The following NPAS3 variants were observed in gnomAD, a reference collection of about 807,000 sequenced individuals.
NPAS3 encodes the protein neuronal PAS domain protein 3, also known as neuronal PAS domain-containing protein 3.
Under a neutral mutation model 73.1 loss-of-function variants are expected in NPAS3, and 14 were observed. The ratio of observed to expected loss-of-function variants is 0.19; its 90% CI spans 0.13 to 0.30. NPAS3 has a LOEUF of 0.30. NPAS3 is among the 10% of genes least tolerant of loss of function. The pLI, the probability that NPAS3 is intolerant of heterozygous loss-of-function variation, is 1.00. For synonymous variants in NPAS3, 620 were observed against 541.5 expected, an observed-to-expected ratio of 1.14 and a Z score of -2.01; for missense variants, 1,096 against 1,250.0, an observed-to-expected ratio of 0.88 and a Z score of 1.86.
chr14:33,147,163 AT>A (rs201866806), intron 2 of NPAS3, among the ~76,000 whole-genome samples: 1 of 152,022 alleles, frequency 6.6e-6, no homozygotes, highest in Non-Finnish European at 1.5e-5. Context: ...TTTAATCTGC[AT>A]TTTTTTCTTC....
At chr14:33,570,677 C>T (rs774036027) in intron 5 of NPAS3, among the ~76,000 whole-genome samples, 4 of 152,106 alleles carry the variant, frequency 2.6e-5, no homozygotes, top group African/African-American at 4.8e-5. Context: ...AGTAAAAACA[C>T]GGGCCTGCAA....
intron 3 of NPAS3, among the ~76,000 whole-genome samples, chr14:33,273,418 C>T (rs1425171492): frequency 1.3e-5 from 2 of 152,138 alleles, no homozygotes; most frequent in Non-Finnish European, 2.9e-5. Context: ...TGACTCTGCT[C>T]TTTATAGGCT....
chr14:33,087,609 G>A (rs1240076474), intron 2 of NPAS3, among the ~76,000 whole-genome samples: 5 of 152,106 alleles, frequency 3.3e-5, no homozygotes. Flanking sequence ...ACATAAGGCA[G>A]ACTTACAAAA....
rs544621762 is a variant in NPAS3 at position 33,410,644 on chromosome 14, T to C, written c.468+43376T>C. 2.6e-5 allele frequency among the ~76,000 whole-genome samples: 4 copies of C among 152,290 alleles called. No individual in the cohort carries two copies. In the East Asian group the frequency reaches 7.7e-4, roughly 29 times the overall value. ...AGCTACATTTTGGCTCAAGAATAGT[T>C]GGTACTTTTTGTTTTCCTTGAGATG... On this transcript the variant is annotated intron_variant, in intron 4 of 11. Transcript: ENST00000356141.
At chr14:33,484,234 C>G (rs11845647) in intron 4 of NPAS3, among the ~76,000 whole-genome samples, 20,345 of 152,096 alleles carry the variant, frequency 0.13, 2,343 homozygotes, top group African/African-American at 0.32. Flanking sequence ...GGTCAGGGAA[C>G]ACCTCGTGAA....
At chr14:32,990,668 A>G (rs1008977190) in intron 1 of NPAS3, among the ~76,000 whole-genome samples, 6 of 152,114 alleles carry the variant, frequency 3.9e-5, no homozygotes, top group African/African-American at 1.4e-4. Flanking sequence ...GTTCACACCT[A>G]TAATCCAAGC....
At chr14:33,193,745 C>T (rs143590680) in intron 2 of NPAS3, among the ~76,000 whole-genome samples, 2 of 152,258 alleles carry the variant, frequency 1.3e-5, no homozygotes, top group East Asian at 1.9e-4. Context: ...AAATGAATTT[C>T]ACACCATCTC....
chr14:32,967,843 A>G (rs541968285), intron 1 of NPAS3, among the ~76,000 whole-genome samples: 2 of 152,302 alleles, frequency 1.3e-5, no homozygotes, highest in African/African-American at 4.8e-5. Flanking sequence ...GATATATATC[A>G]AAAGTAAATG....
At chr14:33,620,513 C>T (rs968920329) in intron 5 of NPAS3, among the ~76,000 whole-genome samples, 4 of 152,086 alleles carry the variant, frequency 2.6e-5, no homozygotes, top group Admixed American at 2.6e-4. Context: ...TATACGTGTG[C>T]ATTCACAAAA....
intron 3 of NPAS3, among the ~76,000 whole-genome samples, chr14:33,312,187 A>G (rs562066266): frequency 6.6e-6 from 1 of 152,222 alleles, no homozygotes; most frequent in South Asian, 2.1e-4. Context: ...TCTCAAGATA[A>G]TTGCTATAAT....
At chr14:33,179,389 A>G (rs542665656) in intron 2 of NPAS3, among the ~76,000 whole-genome samples, 2 of 152,332 alleles carry the variant, frequency 1.3e-5, no homozygotes, top group African/African-American at 2.4e-5. Flanking sequence ...AATTTTATCT[A>G]TAATGTTAGA....
intron 4 of NPAS3, among the ~76,000 whole-genome samples, chr14:33,522,597 A>G (rs996007494): frequency 6.6e-6 from 1 of 152,178 alleles, no homozygotes; most frequent in Non-Finnish European, 1.5e-5. Flanking sequence ...GGTGGGAAAC[A>G]ATACCCCCAT....
chr14:33,442,847 C>A lies in NPAS3; in HGVS notation c.468+75579C>A, dbSNP rs180867113. On this transcript the variant is annotated intron_variant, in intron 4 of 11. Transcript: ENST00000356141. ...TGTATTTAAGGAAATGATTTGTTAGCGTCAGTTAAGACTTGACATTTAGTT... is the reference window on the plus strand; with the variant it reads ...TGTATTTAAGGAAATGATTTGTTAGAGTCAGTTAAGACTTGACATTTAGTT... 8.5e-5 allele frequency among the ~76,000 whole-genome samples: 13 copies of A among 152,298 alleles called. No individual in the cohort carries two copies. In the East Asian group the frequency reaches 1.9e-3, roughly 23 times the overall value.
chr14:33,773,274 A>G (rs2062710096), intron 7 of NPAS3, among the ~76,000 whole-genome samples: 1 of 152,126 alleles, frequency 6.6e-6, no homozygotes, highest in Non-Finnish European at 1.5e-5. Flanking sequence ...CAAAGCACAT[A>G]TGGACACTCA....
At chr14:33,458,413 A>G (rs547440505) in intron 4 of NPAS3, among the ~76,000 whole-genome samples, 2 of 152,266 alleles carry the variant, frequency 1.3e-5, no homozygotes, top group Non-Finnish European at 2.9e-5. Context: ...TATTTTTTGG[A>G]TATATGCCTG....
At chr14:33,173,890 T>C (rs1388700766) in intron 2 of NPAS3, among the ~76,000 whole-genome samples, 1 of 152,210 alleles carries the variant, frequency 6.6e-6, no homozygotes, top group Non-Finnish European at 1.5e-5. Context: ...AACATGATGA[T>C]TGTCAGAGAA....
At chr14:33,443,604 C>T (rs1004384142) in intron 4 of NPAS3, among the ~76,000 whole-genome samples, 14 of 152,178 alleles carry the variant, frequency 9.2e-5, no homozygotes, top group Admixed American at 5.9e-4. Flanking sequence ...GGGCCAAAGG[C>T]TTTATTGACT....
At chr14:33,714,761 A>G (rs1171992002) in intron 6 of NPAS3, among the ~76,000 whole-genome samples, 1 of 152,158 alleles carries the variant, frequency 6.6e-6, no homozygotes, top group East Asian at 1.9e-4. Context: ...GCATCTTACA[A>G]TCACTGTCAT....
At chr14:33,246,013 A>T (rs374103224) in intron 3 of NPAS3, among the ~76,000 whole-genome samples, 1 of 151,962 alleles carries the variant, frequency 6.6e-6, no homozygotes, top group African/African-American at 2.4e-5. Flanking sequence ...TCCCTTCAAC[A>T]ACTTTATAGT....
Sources: allele counts gnomAD v4.1 joint callset (sites outside exome capture counted in the v4.1 genomes callset), GRCh38; gene constraint gnomAD v4.1.1; transcripts MANE v1.5; gene names NCBI Gene and HGNC (gene_info 2026-07-23, HGNC 2026-07-21).